SPATS2: variants seen among roughly 807,000 people sequenced by gnomAD.
SPATS2 encodes the protein spermatogenesis-associated serine-rich protein 2.
In SPATS2, 38 loss-of-function variants were observed where a neutral mutation model predicts 63.7. The ratio of observed to expected loss-of-function variants is 0.60; its 90% CI spans 0.46 to 0.78. The LOEUF (loss-of-function observed/expected upper bound fraction) is 0.78, where lower values mean the gene tolerates loss of function less well. Ranked by LOEUF, SPATS2 falls within the 30% of genes least tolerant of loss-of-function variation. The pLI is 0.00. For missense variants in SPATS2, 588 were observed against 666.2 expected (o/e 0.88, Z 1.29); for synonymous variants, 207 against 232.9 (o/e 0.89, Z 1.01).
At chr12:49,449,598 A>G (rs1224704705) in intron 2 of SPATS2, among the ~76,000 whole-genome samples, 2 of 152,216 alleles carry the variant, frequency 1.3e-5, no homozygotes, top group Admixed American at 1.3e-4. Context: ...TATAAAGGAA[A>G]GAGGTTTGAC....
At chr12:49,385,644 G>A (rs993561477) in intron 2 of SPATS2, among the ~76,000 whole-genome samples, 1 of 152,042 alleles carries the variant, frequency 6.6e-6, no homozygotes, top group African/African-American at 2.4e-5. Context: ...AATATTCTCA[G>A]TGAATTAGGA....
At chr12:49,496,412 C>T (rs1175490897) in intron 7 of SPATS2, among the ~76,000 whole-genome samples, 2 of 152,164 alleles carry the variant, frequency 1.3e-5, no homozygotes, top group Non-Finnish European at 1.5e-5. Context: ...TATGCCTGGC[C>T]CCTAAAGCTT....
chr12:49,521,989 C>T (rs1381025204), intron 11 of SPATS2, among the ~76,000 whole-genome samples: 2 of 151,256 alleles, frequency 1.3e-5, no homozygotes, highest in African/African-American at 4.9e-5. Flanking sequence ...CAAATTATAT[C>T]TAGGCCTTTC....
intron 12 of SPATS2, among the ~76,000 whole-genome samples, 167 bp downstream of exon 12, chr12:49,523,020 C>T (rs1946968726): frequency 6.6e-6 from 1 of 152,172 alleles, no homozygotes; most frequent in Non-Finnish European, 1.5e-5. Context: ...ATACTTTGAA[C>T]TCTGAGGACA....
At chr12:49,424,219 C>T (rs937885626) in intron 2 of SPATS2, among the ~76,000 whole-genome samples, 11 of 151,802 alleles carry the variant, frequency 7.2e-5, no homozygotes, top group Non-Finnish European at 1.3e-4. Context: ...AACAAACAAA[C>T]AAACAAAAAA....
chr12:49,523,013 C>T (rs1367319776), intron 12 of SPATS2, among the ~76,000 whole-genome samples, 160 bp downstream of exon 12: 3 of 152,146 alleles, frequency 2.0e-5, no homozygotes, highest in African/African-American at 7.2e-5. Flanking sequence ...GGTGCAGATA[C>T]TTTGAACTCT....
rs770365647 is a variant in SPATS2, at chr12:49,500,191, T to C, written c.825T>C (p.Ala275=). The change falls in exon 9 of 14, where the codon GCT becomes GCC. Residue 275 remains alanine, a synonymous_variant. Transcript: ENST00000552918. ...ASIKKMKQAF[A]ELESCLMDRE... is the part of the protein sequence containing the mutation. Reference sequence around the variant, plus strand: ...TTAAGAAAATGAAACAAGCCTTTGCTGAATTGGAGAGCTGGTAATTTAAGC... The same window carrying C: ...TTAAGAAAATGAAACAAGCCTTTGCCGAATTGGAGAGCTGGTAATTTAAGC... The C allele has an allele frequency of 1.5e-5, 24 of 1,599,578 alleles. 1 individual carries two copies. The highest frequency in any genetic ancestry group is 1.7e-6 in the Non-Finnish European group (2 of 1,176,166).
chr12:49,374,737 G>T (rs1944063276), intron 2 of SPATS2, among the ~76,000 whole-genome samples: 1 of 152,130 alleles, frequency 6.6e-6, no homozygotes, highest in African/African-American at 2.4e-5. Flanking sequence ...GAGGCGGGCA[G>T]ATCACTTGAG....
intron 2 of SPATS2, among the ~76,000 whole-genome samples, chr12:49,395,334 T>C (rs1268633742): frequency 6.6e-6 from 1 of 151,706 alleles, no homozygotes; most frequent in Non-Finnish European, 1.5e-5. Flanking sequence ...TTGCACTGGC[T>C]GGGACCTCCA....
chr12:49,408,255 T>C (rs891739908), intron 2 of SPATS2, among the ~76,000 whole-genome samples: 25 of 149,988 alleles, frequency 1.7e-4, no homozygotes, highest in African/African-American at 5.3e-4. Context: ...TATTCTTCTT[T>C]TTTTTTTTTT....
chr12:49,389,767 A>C, intron 2 of SPATS2: 2 of 1,344,332 alleles, frequency 1.5e-6, no homozygotes, highest in Non-Finnish European at 2.1e-6. Flanking sequence ...CAAGAAAGAA[A>C]AGAATTGCGT....
At chr12:49,498,790 A>ATTTTTTTTTTTTTT (rs147335434) in intron 8 of SPATS2, among the ~76,000 whole-genome samples, 1 of 95,098 alleles carries the variant, frequency 1.1e-5, no homozygotes, top group Admixed American at 1.1e-4. Flanking sequence ...TATGGTATCT[A>ATTTTTTTTTTTTTT]TTTTTTTTTT....
intron 2 of SPATS2, 43 bp downstream of exon 2, chr12:49,371,333 G>T (rs1304012922): frequency 6.6e-6 from 1 of 152,192 alleles, no homozygotes; most frequent in East Asian, 1.9e-4. Flanking sequence ...TGTCTGGTGT[G>T]TACCACTTAG....
intron 11 of SPATS2, among the ~76,000 whole-genome samples, chr12:49,520,958 A>G (rs1430160601): frequency 6.6e-6 from 1 of 152,054 alleles, no homozygotes; most frequent in African/African-American, 2.4e-5. Context: ...ACCCCAAGTG[A>G]TGCACTCATC....
At chr12:49,505,593 C>CT (rs1177088046) in intron 9 of SPATS2, among the ~76,000 whole-genome samples, 1 of 152,118 alleles carries the variant, frequency 6.6e-6, no homozygotes, top group Non-Finnish European at 1.5e-5. Flanking sequence ...AAAAGTACAG[C>CT]TTTTGAAGCA....
At chr12:49,434,283 A>C (rs1945235125) in intron 2 of SPATS2, among the ~76,000 whole-genome samples, 1 of 152,166 alleles carries the variant, frequency 6.6e-6, no homozygotes, top group Non-Finnish European at 1.5e-5. Flanking sequence ...CTGAAGTTTA[A>C]ATATATACAT....
intron 5 of SPATS2, among the ~76,000 whole-genome samples, chr12:49,489,955 G>A (rs1413430820): frequency 1.3e-5 from 2 of 152,246 alleles, no homozygotes; most frequent in African/African-American, 2.4e-5. Context: ...ATTGTCTTCC[G>A]GATTCTAATA....
chr12:49,527,282 T>A lies in SPATS2; in HGVS notation c.*1027T>A, dbSNP rs1223602948. ...TAATGTTTGGAGACTTTTTTTTTTG[T>A]TCTCTCCCTTTCCTGAACCCTATTC... On this transcript the variant is annotated 3_prime_UTR_variant, in exon 14 of 14. Coordinates refer to ENST00000552918, the MANE Select transcript of SPATS2 (RefSeq NM_023071.4). The A allele has an allele frequency of 2.0e-5, 3 of 151,978 alleles. No individual in the cohort carries two copies. The highest frequency in any genetic ancestry group is 7.3e-5 in the African/African-American group (3 of 41,372). The allele number at this position is 151,978 out of a possible 1,614,324, so 9.4% of individuals were successfully genotyped here. A position where few individuals can be genotyped will look rare whatever the true frequency, so the allele number is the denominator to read the frequency against.
chr12:49,425,147 T>G (rs1400742242), intron 2 of SPATS2, among the ~76,000 whole-genome samples: 1 of 152,184 alleles, frequency 6.6e-6, no homozygotes, highest in Non-Finnish European at 1.5e-5. Flanking sequence ...GAGTGAGAAC[T>G]CTTAGAGACT....
Sources: allele counts gnomAD v4.1 joint callset (sites outside exome capture counted in the v4.1 genomes callset), GRCh38; gene constraint gnomAD v4.1.1; transcripts MANE v1.5; gene names NCBI Gene and HGNC (gene_info 2026-07-23, HGNC 2026-07-21).